The following NOX4 variants were observed in gnomAD, a reference collection of about 807,000 sequenced individuals.
NOX4 encodes NADPH oxidase 4.
NOX4 carries 69 observed loss-of-function variants against 87.6 expected under a neutral mutation model. The ratio of observed to expected loss-of-function variants is 0.79; its 90% CI spans 0.65 to 0.96. NOX4 has a LOEUF of 0.96. NOX4 is among the 40% of genes least tolerant of loss of function. NOX4 has a pLI of 0.00. For missense variants in NOX4, 680 were observed against 681.5 expected, an observed-to-expected ratio of 1.00 and a Z score of 0.02; for synonymous variants, 275 against 238.2, an observed-to-expected ratio of 1.15 and a Z score of -1.42.
At chr11:89,336,220 T>A (rs1425664856) in intron 16 of NOX4, 1 of 266,238 alleles carries the variant, frequency 3.8e-6, no homozygotes, top group Non-Finnish European at 7.0e-6. Context: ...GATTTTTAAA[T>A]GAATCAATTG....
intron 7 of NOX4, among the ~76,000 whole-genome samples, chr11:89,425,686 G>A (rs1486648614): frequency 6.6e-6 from 1 of 151,952 alleles, no homozygotes; most frequent in Non-Finnish European, 1.5e-5. Flanking sequence ...GTGAAGAAGA[G>A]CAAGAAGGAT....
intron 4 of NOX4, among the ~76,000 whole-genome samples, chr11:89,448,297 GA>G (rs540052915): frequency 6.6e-6 from 1 of 152,136 alleles, no homozygotes; most frequent in Non-Finnish European, 1.5e-5. Context: ...ACTGAGGATA[GA>G]ACCTACGCAT....
At chr11:89,453,620 T>A (rs1591296347) in intron 2 of NOX4, among the ~76,000 whole-genome samples, 2 of 152,312 alleles carry the variant, frequency 1.3e-5, no homozygotes, top group Admixed American at 1.3e-4. Flanking sequence ...CACACATAGT[T>A]TGGATCAATT....
At chr11:89,341,474 T>C (rs534298067) in intron 14 of NOX4, among the ~76,000 whole-genome samples, 44 of 152,268 alleles carry the variant, frequency 2.9e-4, no homozygotes, top group African/African-American at 9.9e-4. Context: ...ATTTGCTAAG[T>C]AATAAATGAA....
chr11:89,422,428 G>A (rs556247758), intron 7 of NOX4, among the ~76,000 whole-genome samples: 8 of 152,120 alleles, frequency 5.3e-5, no homozygotes, highest in South Asian at 2.1e-4. Context: ...AATAGATGAC[G>A]ACCAAAGTGT....
intron 4 of NOX4, among the ~76,000 whole-genome samples, chr11:89,448,247 G>C (rs1752376438): frequency 6.6e-6 from 1 of 152,080 alleles, no homozygotes; most frequent in African/African-American, 2.4e-5. Context: ...AGCAAATTGA[G>C]GATCAGAGAG....
chr11:89,484,208 A>C (rs917575469), intron 2 of NOX4, among the ~76,000 whole-genome samples: 1 of 152,040 alleles, frequency 6.6e-6, no homozygotes, highest in Non-Finnish European at 1.5e-5. Flanking sequence ...GCTGTTTGGG[A>C]TGATATTGAT....
chr11:89,507,016 A>C, the NOX4 span, among the ~76,000 whole-genome samples: 1 of 152,042 alleles, frequency 6.6e-6, no homozygotes, highest in Non-Finnish European at 1.5e-5. Flanking sequence ...ATCTCAAAGT[A>C]ATTATTCTGG....
At chr11:89,347,337 C>T (rs1260966099) in intron 13 of NOX4, among the ~76,000 whole-genome samples, 2 of 152,218 alleles carry the variant, frequency 1.3e-5, no homozygotes, top group Admixed American at 1.3e-4. Context: ...GCCCACATGG[C>T]AGAGCCTTTC....
chr11:89,489,743 AAG>A (rs1946777162), intron 2 of NOX4, among the ~76,000 whole-genome samples: 5 of 151,076 alleles, frequency 3.3e-5, no homozygotes, highest in South Asian at 2.1e-4. Context: ...AAAAAAAAGA[AAG>A]AAAGAAAGAA....
upstream of NOX4, among the ~76,000 whole-genome samples, chr11:89,491,766 A>AC (rs1491101040): frequency 0.058 from 6,915 of 118,344 alleles, 297 homozygotes; most frequent in East Asian, 0.24. Context: ...ACACACACAC[A>AC]AGAAGACACA....
chr11:89,443,852 G>C (rs146819323), intron 5 of NOX4: 168 of 310,096 alleles, frequency 5.4e-4, no homozygotes, highest in African/African-American at 2.5e-3. Flanking sequence ...ATAGGAATTA[G>C]ACAAAAGCTG....
At position 89,451,904 on chromosome 11, in the gene NOX4, A is replaced by C; in HGVS notation, c.154-9T>G. The C allele has an allele frequency of 6.3e-7, 1 of 1,587,920 alleles. No homozygotes were observed. The highest frequency in any genetic ancestry group is 1.1e-5 in the South Asian group (1 of 90,572). On this transcript the variant is annotated splice_polypyrimidine_tract_variant and intron_variant, in intron 2 of 17. Coordinates refer to ENST00000263317, the MANE Select transcript of NOX4 (RefSeq NM_016931.5). Reference sequence around the variant, plus strand: ...CTTAGACACAATCCTAGCTGAACAAATAAGGCAAGGTCAGCACACAGTTAA... The same window carrying C: ...CTTAGACACAATCCTAGCTGAACAACTAAGGCAAGGTCAGCACACAGTTAA...
chr11:89,446,385 A>C (rs962675276), intron 4 of NOX4, among the ~76,000 whole-genome samples: 1 of 152,138 alleles, frequency 6.6e-6, no homozygotes, highest in Non-Finnish European at 1.5e-5. Context: ...GGAACTAAAA[A>C]TGTATGCCCA....
the NOX4 span, among the ~76,000 whole-genome samples, chr11:89,549,766 T>A: frequency 1.3e-5 from 2 of 152,220 alleles, no homozygotes; most frequent in African/African-American, 4.8e-5. Context: ...CTGGGTTAGT[T>A]TGCAGAGACT....
chr11:89,413,707 G>C (rs1355057220), intron 8 of NOX4, among the ~76,000 whole-genome samples: 1 of 151,928 alleles, frequency 6.6e-6, no homozygotes, highest in African/African-American at 2.4e-5. Flanking sequence ...ATGAGTATTG[G>C]TTATAAAAAT....
intron 11 of NOX4, among the ~76,000 whole-genome samples, chr11:89,389,386 T>C (rs989059361): frequency 1.3e-5 from 2 of 152,226 alleles, no homozygotes; most frequent in African/African-American, 4.8e-5. Context: ...ATACTTTCAG[T>C]ATGAAAAGCT....
At chr11:89,586,403 T>C in the NOX4 span, among the ~76,000 whole-genome samples, 1 of 152,214 alleles carries the variant, frequency 6.6e-6, no homozygotes, top group African/African-American at 2.4e-5. Context: ...TGTCTTCAGA[T>C]GAGGCAAATG....
intron 2 of NOX4, among the ~76,000 whole-genome samples, chr11:89,482,532 T>C (rs1946431102): frequency 6.6e-6 from 1 of 152,020 alleles, no homozygotes; most frequent in Non-Finnish European, 1.5e-5. Context: ...GAAAGCCCTC[T>C]ATAAGTCAAG....
Sources: gnomAD v4.1 joint callset for allele counts (sites outside exome capture counted in the v4.1 genomes callset) on GRCh38, gnomAD v4.1.1 for gene constraint, MANE v1.5 for transcripts, NCBI Gene and HGNC (gene_info 2026-07-23, HGNC 2026-07-21) for gene names.